The following CARD8 variants were observed in gnomAD, a reference collection of about 807,000 sequenced individuals.
CARD8 encodes the protein caspase recruitment domain family member 8.
In CARD8, 38 loss-of-function variants were observed where a neutral mutation model predicts 53.2. The ratio of observed to expected loss-of-function variants is 0.71; its 90% CI spans 0.55 to 0.94. CARD8 has a LOEUF of 0.94. Ranked by LOEUF, CARD8 falls within the 40% of genes least tolerant of loss-of-function variation. The probability of loss-of-function intolerance (pLI) is 0.00; values close to 1 mark genes in which losing one functional copy is unlikely to be tolerated. For missense variants in CARD8, 561 were observed against 655.5 expected (o/e 0.86, Z 1.57); for synonymous variants, 245 against 244.9 (o/e 1.00, Z 0.00).
Position 48,211,666 on chromosome 19 carries a change from G to A in CARD8, c.*44C>T. ...ACATTTCTGTTTATCCATTTCCAAT[G>A]AGAACGCTGGATTCTCTCTTCCAGA... On this transcript the variant is annotated 3_prime_UTR_variant, in exon 14 of 14. Transcript: ENST00000651546. 1.3e-6 allele frequency: 2 copies of A among 1,572,390 alleles called. No individual in the cohort carries two copies. Among genetic ancestry groups the A allele is most frequent in the Non-Finnish European group, 1.7e-6 (2 of 1,151,930 alleles).
In CARD8 at chr19:48,241,987, A is replaced by G. The variant is rs529303110; in HGVS notation, c.-43-924T>C. On this transcript the variant is annotated intron_variant, in intron 3 of 13. Coordinates refer to ENST00000651546, the MANE Select transcript of CARD8 (RefSeq NM_001184900.3). ...AGAAACTCATTAAGCGGCACTCCCC[A>G]TTCCCCACAGGCACGCACACCCAGC... Among the ~76,000 whole-genome samples, 688 of 152,214 alleles carry G rather than the reference A, an allele frequency of 4.5e-3. 3 individuals carry two copies. Among genetic ancestry groups the G allele is most frequent in the African/African-American group, 0.014 (567 of 41,528 alleles).
intron 5 of CARD8, among the ~76,000 whole-genome samples, chr19:48,237,369 G>A (rs2044086556): frequency 6.6e-6 from 1 of 151,912 alleles, no homozygotes. Flanking sequence ...CAAAGGAATG[G>A]TGCTAAACCA....
intron 1 of CARD8, among the ~76,000 whole-genome samples, chr19:48,250,136 A>G (rs1304378578): frequency 1.3e-5 from 2 of 152,246 alleles, no homozygotes; most frequent in African/African-American, 4.8e-5. Flanking sequence ...AATAACAAAC[A>G]TATGAAAGCT....
chr19:48,219,696 C>T (rs1237623700), intron 11 of CARD8, among the ~76,000 whole-genome samples: 7 of 151,998 alleles, frequency 4.6e-5, no homozygotes, highest in East Asian at 1.9e-4. Flanking sequence ...CTAGGGCGGG[C>T]GCGGTGACTC....
intron 8 of CARD8, among the ~76,000 whole-genome samples, chr19:48,231,291 T>C (rs1009517346): frequency 6.6e-6 from 1 of 152,132 alleles, no homozygotes; most frequent in Non-Finnish European, 1.5e-5. Flanking sequence ...CGCTTCCTTT[T>C]GTATTTATAT....
intron 5 of CARD8, among the ~76,000 whole-genome samples, chr19:48,235,190 C>CTCT (rs149137624): frequency 0.04 from 6,105 of 152,158 alleles, 383 homozygotes; most frequent in African/African-American, 0.13. Context: ...AGATCCTTTT[C>CTCT]TCTTCTTCAT....
intron 1 of CARD8, among the ~76,000 whole-genome samples, chr19:48,255,287 A>G (rs1002527839): frequency 2.6e-5 from 4 of 152,026 alleles, no homozygotes; most frequent in African/African-American, 9.7e-5. Context: ...AATCGCTTGA[A>G]CCTGGGAGGC....
intron 3 of CARD8, among the ~76,000 whole-genome samples, chr19:48,247,573 A>G (rs1267601523): frequency 1.3e-5 from 2 of 151,892 alleles, no homozygotes; most frequent in East Asian, 1.9e-4. Context: ...ATATGCATAA[A>G]GAAACTCTGG....
intron 1 of CARD8, among the ~76,000 whole-genome samples, chr19:48,254,175 T>C (rs1163862664): frequency 5.3e-5 from 8 of 151,838 alleles, no homozygotes; most frequent in Admixed American, 1.3e-4. Flanking sequence ...GAGGCTGAGG[T>C]AGGAGTTTGA....
rs1296421566 is a variant in CARD8, at chr19:48,234,505, C to T, written c.248G>A (p.Cys83Tyr). 11 of 1,613,698 alleles carry T rather than the reference C, an allele frequency of 6.8e-6. No homozygotes were observed. Among genetic ancestry groups the T allele is most frequent in the Non-Finnish European group, 8.5e-6 (10 of 1,179,896 alleles). ...TTCTTGGAAAAAATGTGAGATGTCACAAAGGGTCTCAGAAACACAGGGTAG... is the reference window on the plus strand; with the variant it reads ...TTCTTGGAAAAAATGTGAGATGTCATAAAGGGTCTCAGAAACACAGGGTAG... Reference protein sequence around the residue: ...RELPCVSETLCDISHFFQEDD... With the variant: ...RELPCVSETLYDISHFFQEDD... The change falls in exon 6 of 14, where the codon TGT becomes TAT. Residue 83 changes from cysteine to tyrosine, a missense_variant. Cys to Tyr is a radical substitution (Grantham distance 194, BLOSUM62 -2). Transcript: ENST00000651546.
chr19:48,207,732 C>CTTTTTTTTTTTTTTTTTT (rs2037420712), downstream of CARD8, among the ~76,000 whole-genome samples: 1 of 91,278 alleles, frequency 1.1e-5, no homozygotes, highest in African/African-American at 4.4e-5. Context: ...TGTTGTTTTT[C>CTTTTTTTTTTTTTTTTTT]TGTTTTTTTT....
rs774474455 is a variant in CARD8 at position 48,211,704 on chromosome 19, C to T, written c.*6G>A. On this transcript the variant is annotated 3_prime_UTR_variant, in exon 14 of 14. Coordinates refer to ENST00000651546, the MANE Select transcript of CARD8 (RefSeq NM_001184900.3). ...TCTCTCTTCCAGACTACCTAACTGA[C>T]TCATTTTACAAATTCTGCTGTCTAA... 1 of 1,612,792 alleles carries T rather than the reference C, an allele frequency of 6.2e-7. No homozygotes were observed. The highest frequency in any genetic ancestry group is 8.5e-7 in the Non-Finnish European group (1 of 1,179,258).
intron 3 of CARD8, among the ~76,000 whole-genome samples, chr19:48,247,722 T>C (rs1043062399): frequency 2.1e-4 from 31 of 150,276 alleles, no homozygotes; most frequent in African/African-American, 7.6e-4. Context: ...AAATTTTATA[T>C]ATATATACTA....
In CARD8 at chr19:48,214,240, G is replaced by A. The variant is rs760080818; in HGVS notation, c.1348+1100C>T. Among the ~76,000 whole-genome samples, 7 of 152,302 alleles carry A rather than the reference G, an allele frequency of 4.6e-5. No individual in the cohort carries two copies. The Middle Eastern group carries it at 0.01, about 222-fold the overall frequency. On this transcript the variant is annotated intron_variant, in intron 13 of 13. Coordinates refer to ENST00000651546, the MANE Select transcript of CARD8 (RefSeq NM_001184900.3). Reference sequence around the variant, plus strand: ...GCAGGCAGCTCGTCAGATATGAGCAGGGCAGGAGAGGACTCCTCACCCCAC... The same window carrying A: ...GCAGGCAGCTCGTCAGATATGAGCAAGGCAGGAGAGGACTCCTCACCCCAC...
chr19:48,224,532 G>T (rs2041340278), intron 10 of CARD8, among the ~76,000 whole-genome samples: 1 of 152,118 alleles, frequency 6.6e-6, no homozygotes. Context: ...CCTATAGCTG[G>T]CCAGTGGTTA....
At chr19:48,219,986 C>A (rs1261371051) in intron 11 of CARD8, among the ~76,000 whole-genome samples, 1 of 152,082 alleles carries the variant, frequency 6.6e-6, no homozygotes, top group Non-Finnish European at 1.5e-5. Flanking sequence ...AAGATTATCA[C>A]CTCAGGTTGC....
chr19:48,203,519 G>A (rs1192553178), downstream of CARD8: 3 of 152,722 alleles, frequency 2.0e-5, no homozygotes, highest in African/African-American at 7.2e-5. Context: ...GAATTAGTGT[G>A]TGTACCAGTG....
intron 12 of CARD8, among the ~76,000 whole-genome samples, chr19:48,217,662 A>G (rs190092788): frequency 1.7e-3 from 254 of 152,274 alleles, no homozygotes; most frequent in African/African-American, 5.8e-3. Flanking sequence ...GAAATTTTTC[A>G]TGCTGTGTTA....
At position 48,234,468 on chromosome 19, in the gene CARD8, T is replaced by C. The variant is rs1188106741; in HGVS notation, c.285A>G (p.Thr95=). 1.9e-6 allele frequency: 3 copies of C among 1,613,854 alleles called. No individual in the cohort carries two copies. The highest frequency in any genetic ancestry group is 2.5e-6 in the Non-Finnish European group (3 of 1,179,886). Residue 95 remains threonine (T), a synonymous_variant, in exon 6 of 14, where the codon ACA becomes ACG. Transcript: ENST00000651546. The part of the protein sequence containing the change: ...ISHFFQEDDE[T]EAEPLLFRAV... Reference sequence around the variant, plus strand: ...CACGGAACAATAATGGCTCTGCCTCTGTCTCATCATCTTCTTGGAAAAAAT... The same window carrying C: ...CACGGAACAATAATGGCTCTGCCTCCGTCTCATCATCTTCTTGGAAAAAAT...
Sources: allele counts gnomAD v4.1 joint callset (sites outside exome capture counted in the v4.1 genomes callset), GRCh38; gene constraint gnomAD v4.1.1; transcripts MANE v1.5; gene names NCBI Gene and HGNC (gene_info 2026-07-23, HGNC 2026-07-21).